Variants in OSBPL10 observed in about 807,000 individuals in gnomAD.
OSBPL10 encodes the protein oxysterol binding protein like 10, also known as oxysterol-binding protein-related protein 10.
A neutral mutation model predicts 81.7 loss-of-function variants in OSBPL10; 49 were observed. The observed-to-expected ratio is 0.60, with a 90% CI of 0.48 to 0.76. OSBPL10 has a LOEUF of 0.76. Among genes scored for constraint, OSBPL10 ranks in the 30% least tolerant of loss-of-function variants. OSBPL10 has a pLI of 0.00. For synonymous variants in OSBPL10, 419 were observed against 383.6 expected (o/e 1.09, Z -1.08); for missense variants, 923 against 987.8 (o/e 0.93, Z 0.88).
At chr3:31,949,772 C>G (rs766068751) in intron 1 of OSBPL10, among the ~76,000 whole-genome samples, 22 of 144,650 alleles carry the variant, frequency 1.5e-4, no homozygotes, top group Non-Finnish European at 2.9e-4. Flanking sequence ...AGAGAGGTAA[C>G]TTCTGAAACT....
chr3:31,819,558 A>G (rs893697055), intron 4 of OSBPL10, among the ~76,000 whole-genome samples: 2 of 152,154 alleles, frequency 1.3e-5, no homozygotes, highest in African/African-American at 4.8e-5. Context: ...CGTAGGAGTG[A>G]GGCATACAGA....
At chr3:31,826,532 C>T (rs1168916958) in intron 4 of OSBPL10, among the ~76,000 whole-genome samples, 6 of 152,138 alleles carry the variant, frequency 3.9e-5, no homozygotes, top group African/African-American at 1.4e-4. Context: ...ATTCTATTGC[C>T]TTTGGCTGGG....
intron 2 of OSBPL10, among the ~76,000 whole-genome samples, chr3:32,029,309 T>C (rs1699445519): frequency 2.0e-5 from 3 of 152,202 alleles, no homozygotes; most frequent in Admixed American, 2.0e-4. Context: ...GGCTTTTTAA[T>C]TTTATTTTAT....
At chr3:31,886,825 A>C (rs1404003474) in intron 1 of OSBPL10, among the ~76,000 whole-genome samples, 1 of 152,054 alleles carries the variant, frequency 6.6e-6, no homozygotes, top group South Asian at 2.1e-4. Flanking sequence ...CTGTACTCCC[A>C]GCTACTCGGG....
chr3:32,031,119 G>C (rs1048852216), intron 2 of OSBPL10, among the ~76,000 whole-genome samples: 1 of 151,590 alleles, frequency 6.6e-6, no homozygotes, highest in African/African-American at 2.4e-5. Flanking sequence ...GAGCTGAGTC[G>C]TGACACTGCA....
intron 3 of OSBPL10, among the ~76,000 whole-genome samples, chr3:31,831,607 A>C (rs1700243144): frequency 6.6e-6 from 1 of 152,240 alleles, no homozygotes; most frequent in South Asian, 2.1e-4. Context: ...TTACAAAAAA[A>C]GAAATATAAA....
At position 31,801,005 on chromosome 3, in the gene OSBPL10, C is replaced by CTT. The variant is rs35303533; in HGVS notation, c.729+29033_729+29034dup. 7.7e-4 allele frequency among the ~76,000 whole-genome samples: 115 copies of CTT among 149,474 alleles called. 1 individual carries two copies. The highest frequency in any genetic ancestry group is 6.9e-3 in the Middle Eastern group (2 of 290). On this transcript the variant is annotated intron_variant, in intron 4 of 11. Coordinates refer to ENST00000396556, the MANE Select transcript of OSBPL10 (RefSeq NM_017784.5). Reference sequence around the variant, plus strand: ...AAAAAAAGTTAACCTTTTAAGTGGTCTTTTTTTTTTAATACATAAAGATAA... The same window carrying CTT: ...AAAAAAAGTTAACCTTTTAAGTGGTCTTTTTTTTTTTTAATACATAAAGATAA...
chr3:31,950,386 A>G (rs1442024473), intron 1 of OSBPL10, among the ~76,000 whole-genome samples: 1 of 152,214 alleles, frequency 6.6e-6, no homozygotes, highest in Non-Finnish European at 1.5e-5. Context: ...AATCAGAGAT[A>G]CACAAATTAA....
chr3:31,990,866 G>C, intron 2 of OSBPL10: 1 of 1,577,792 alleles, frequency 6.3e-7, no homozygotes, highest in Non-Finnish European at 8.6e-7. Context: ...CATCACAAGT[G>C]TGATGATTGT....
chr3:31,809,421 A>G (rs1296650026), intron 4 of OSBPL10, among the ~76,000 whole-genome samples: 1 of 152,230 alleles, frequency 6.6e-6, no homozygotes, highest in Non-Finnish European at 1.5e-5. Flanking sequence ...GCTCCTGAGG[A>G]ACACAAACAA....
chr3:31,988,936 C>G (rs529743590), intron 2 of OSBPL10: 4 of 1,074,662 alleles, frequency 3.7e-6, no homozygotes, highest in Admixed American at 5.3e-5. Flanking sequence ...CGACCCACAG[C>G]GACTGTGAGA....
At chr3:31,905,596 T>C (rs778576481) in intron 1 of OSBPL10, among the ~76,000 whole-genome samples, 55 of 152,020 alleles carry the variant, frequency 3.6e-4, no homozygotes, top group Admixed American at 1.2e-3. Flanking sequence ...GTGATCCACC[T>C]GCCTCAGCCT....
intron 4 of OSBPL10, among the ~76,000 whole-genome samples, chr3:31,828,529 ACTTTTT>A (rs1482118103): frequency 3.3e-5 from 5 of 152,240 alleles, no homozygotes; most frequent in East Asian, 1.9e-4. Flanking sequence ...GCTAATAGCT[ACTTTTT>A]CTTTTTCTTT....
upstream of OSBPL10, among the ~76,000 whole-genome samples, chr3:31,985,766 T>G (rs2125515093): frequency 6.6e-6 from 1 of 152,344 alleles, no homozygotes; most frequent in Non-Finnish European, 1.5e-5. Flanking sequence ...ACGTCCCAAA[T>G]AATAATAACA....
At position 31,879,227 on chromosome 3, in the gene OSBPL10, A is replaced by G. The variant is rs112269983; in HGVS notation, c.457+428T>C. 4.0e-3 allele frequency among the ~76,000 whole-genome samples: 603 copies of G among 152,302 alleles called. 6 individuals are homozygous for G. Among genetic ancestry groups the G allele is most frequent in the African/African-American group, 0.014 (572 of 41,562 alleles). On this transcript the variant is annotated intron_variant, in intron 2 of 11. Transcript: ENST00000396556. ...ACGACAGTGGATTGAACAAAACTCA[A>G]AGGGGCACTTTACTAAGAAACGGTT...
chr3:31,837,990 G>A (rs1331337278), intron 3 of OSBPL10, among the ~76,000 whole-genome samples: 3 of 152,076 alleles, frequency 2.0e-5, no homozygotes, highest in Non-Finnish European at 2.9e-5. Flanking sequence ...TAAAAATTCC[G>A]GCAGGATTTT....
At chr3:31,762,630 A>ATATTTTTTTTTTTTTTT (rs1698080161) in intron 4 of OSBPL10, among the ~76,000 whole-genome samples, 2 of 61,516 alleles carry the variant, frequency 3.3e-5, no homozygotes, top group Non-Finnish European at 5.3e-5. Context: ...CATGCCCAGC[A>ATATTTTTTTTTTTTTTT]TTTTTTTTTT....
chr3:31,726,536 G>C (rs960823311), intron 6 of OSBPL10, among the ~76,000 whole-genome samples: 4 of 151,916 alleles, frequency 2.6e-5, no homozygotes, highest in African/African-American at 4.8e-5. Flanking sequence ...GGACGGTCTC[G>C]ATCTCCCGAC....
intron 4 of OSBPL10, among the ~76,000 whole-genome samples, chr3:31,783,058 G>A (rs1194819726): frequency 1.3e-5 from 2 of 149,898 alleles, no homozygotes; most frequent in Non-Finnish European, 3.0e-5. Flanking sequence ...CAATTAAGGA[G>A]TGGATGAAGA....
Sources: gnomAD v4.1 joint callset for allele counts (sites outside exome capture counted in the v4.1 genomes callset) on GRCh38, gnomAD v4.1.1 for gene constraint, MANE v1.5 for transcripts, NCBI Gene and HGNC (gene_info 2026-07-23, HGNC 2026-07-21) for gene names.